Variants in TNIK observed in about 807,000 individuals in gnomAD.
The protein encoded by TNIK is TRAF2 and NCK-interacting protein kinase.
Under a neutral mutation model 191.3 loss-of-function variants are expected in TNIK, and 49 were observed. That is an observed-to-expected ratio of 0.26 (90% CI 0.20 to 0.32). The LOEUF (loss-of-function observed/expected upper bound fraction) is 0.32, where lower values mean the gene tolerates loss of function less well. Ranked by LOEUF, TNIK falls within the 10% of genes least tolerant of loss-of-function variation. TNIK has a pLI of 1.00. For missense variants in TNIK, 1,155 were observed against 1,702.3 expected (o/e 0.68, Z 5.66); for synonymous variants, 594 against 600.9 (o/e 0.99, Z 0.17).
intron 2 of TNIK, among the ~76,000 whole-genome samples, chr3:171,319,718 C>T (rs1263263628): frequency 6.6e-6 from 1 of 152,110 alleles, no homozygotes; most frequent in Non-Finnish European, 1.5e-5. Flanking sequence ...TCAAGGCATT[C>T]AACCAAAAGG....
chr3:171,123,481 T>C (rs1459663026), intron 18 of TNIK, 115 bp downstream of exon 18: 15 of 787,642 alleles, frequency 1.9e-5, no homozygotes, highest in Non-Finnish European at 2.9e-5. Context: ...ATAGTGCACA[T>C]GGAAAGTCAA....
At chr3:171,222,982 T>C (rs1328244500) in intron 3 of TNIK, among the ~76,000 whole-genome samples, 1 of 152,114 alleles carries the variant, frequency 6.6e-6, no homozygotes, top group East Asian at 1.9e-4. Context: ...ATTGGGTTTT[T>C]CTCTAAGTCT....
At chr3:171,149,573 CAAG>C (rs1452490263) in intron 12 of TNIK, among the ~76,000 whole-genome samples, 1 of 152,180 alleles carries the variant, frequency 6.6e-6, no homozygotes, top group African/African-American at 2.4e-5. Context: ...TAAGTTAGAA[CAAG>C]AAGCCCTTTT....
At chr3:171,347,093 A>T in intron 2 of TNIK, 1 of 1,497,390 alleles carries the variant, frequency 6.7e-7, no homozygotes, top group Non-Finnish European at 8.8e-7. Flanking sequence ...AGAAGAGAGA[A>T]ATCAGGAACC....
chr3:171,388,616 TAC>T (rs369273448), intron 1 of TNIK, among the ~76,000 whole-genome samples: 1 of 152,086 alleles, frequency 6.6e-6, no homozygotes, highest in Admixed American at 6.6e-5. Context: ...TAGGCATCCT[TAC>T]ACACACACAC....
chr3:171,168,470 T>G (rs1010734682), intron 9 of TNIK, among the ~76,000 whole-genome samples: 8 of 152,212 alleles, frequency 5.3e-5, no homozygotes, highest in Non-Finnish European at 1.5e-5. Flanking sequence ...GAGCATGTTC[T>G]TCAACACTCA....
chr3:171,455,896 C>T (rs892002327), intron 1 of TNIK, among the ~76,000 whole-genome samples: 3 of 152,182 alleles, frequency 2.0e-5, no homozygotes, highest in Non-Finnish European at 4.4e-5. Flanking sequence ...GATCTAGCCT[C>T]TGCCCTCAAG....
chr3:171,271,196 C>G (rs550856303), intron 2 of TNIK, among the ~76,000 whole-genome samples: 1 of 152,302 alleles, frequency 6.6e-6, no homozygotes, highest in South Asian at 2.1e-4. Flanking sequence ...TTTCTAATTG[C>G]GCACGTTTCC....
At chr3:171,438,268 C>T (rs1726272226) in intron 1 of TNIK, among the ~76,000 whole-genome samples, 1 of 142,878 alleles carries the variant, frequency 7.0e-6, no homozygotes, top group Non-Finnish European at 1.6e-5. Context: ...ACAATGCAAG[C>T]ATTAAGACCC....
chr3:171,117,213 G>T (rs1360186276), intron 18 of TNIK, among the ~76,000 whole-genome samples: 1 of 152,318 alleles, frequency 6.6e-6, no homozygotes, highest in Admixed American at 6.5e-5. Flanking sequence ...TGGTGAGAAA[G>T]GTGGGGACAA....
intron 2 of TNIK, among the ~76,000 whole-genome samples, chr3:171,283,092 G>A (rs1332982595): frequency 1.3e-5 from 2 of 150,942 alleles, no homozygotes; most frequent in Non-Finnish European, 2.9e-5. Flanking sequence ...TTCAAATTGT[G>A]TAAACTGGAT....
chr3:171,084,127 A>G, intron 26 of TNIK, 28 bp downstream of exon 26: 1 of 1,348,616 alleles, frequency 7.4e-7, no homozygotes, highest in Non-Finnish European at 9.8e-7. Flanking sequence ...GTTATTTAAA[A>G]AAAAAAAAAA....
intron 1 of TNIK, among the ~76,000 whole-genome samples, chr3:171,444,574 T>TAAAAAAAAAAAAA (rs776537688): frequency 2.2e-5 from 2 of 90,840 alleles, no homozygotes; most frequent in Non-Finnish European, 2.4e-5. Flanking sequence ...ATAAACTTGC[T>TAAAAAAAAAAAAA]AAAAAAAAAA....
chr3:171,426,244 T>C (rs1175587429), intron 1 of TNIK, among the ~76,000 whole-genome samples: 1 of 151,898 alleles, frequency 6.6e-6, no homozygotes, highest in Non-Finnish European at 1.5e-5. Context: ...GATGAGTTCA[T>C]GTCCTTTGCA....
chr3:171,198,185 C>T (rs1033395606), intron 4 of TNIK, among the ~76,000 whole-genome samples: 5 of 151,866 alleles, frequency 3.3e-5, no homozygotes, highest in Non-Finnish European at 5.9e-5. Flanking sequence ...ATGGCTTGAA[C>T]CCAGGAGGCG....
intron 2 of TNIK, chr3:171,346,921 C>T (rs73879538): frequency 0.043 from 19,063 of 447,356 alleles, 1,077 homozygotes; most frequent in African/African-American, 0.19. Context: ...AGGTTTTAAA[C>T]AGGAGAGAGA....
rs1730535818 is a variant in TNIK, at chr3:171,139,641, TAAGTAAAGTGTAG to T, written c.1333-98_1333-86del. The T allele has an allele frequency of 2.2e-6, 3 of 1,336,906 alleles. No homozygotes were observed. In the South Asian group the frequency reaches 3.5e-5, roughly 16 times the overall value. The allele number at this position is 1,336,906 out of a possible 1,614,324, so 82.8% of individuals were successfully genotyped here. A position where few individuals can be genotyped will look rare whatever the true frequency, so the allele number is the denominator to read the frequency against. On this transcript the variant is annotated intron_variant, in intron 13 of 32. Transcript: ENST00000436636. ...TAATTTCAAAGGCGACAAGAGCCGC[TAAGTAAAGTGTAG>T]AAGGAAGGAGGGGAAAAATACCCAA...
At chr3:171,238,052 CT>C (rs1744514038) in intron 2 of TNIK, among the ~76,000 whole-genome samples, 1 of 152,176 alleles carries the variant, frequency 6.6e-6, no homozygotes, top group Admixed American at 6.5e-5. Flanking sequence ...GAAAATATCT[CT>C]CCCCCTCCAA....
chr3:171,434,250 T>C (rs914860786), intron 1 of TNIK, among the ~76,000 whole-genome samples: 4 of 152,094 alleles, frequency 2.6e-5, no homozygotes, highest in African/African-American at 9.7e-5. Context: ...GTATCTTTTT[T>C]CAAATATATT....
Sources: allele counts gnomAD v4.1 joint callset (sites outside exome capture counted in the v4.1 genomes callset), GRCh38; gene constraint gnomAD v4.1.1; transcripts MANE v1.5; gene names NCBI Gene and HGNC (gene_info 2026-07-23, HGNC 2026-07-21).